ALDH1A2: variants seen among roughly 807,000 people sequenced by gnomAD.
ALDH1A2 encodes aldehyde dehydrogenase 1 family member A2, also known as retinal dehydrogenase 2.
A neutral mutation model predicts 60.3 loss-of-function variants in ALDH1A2; 27 were observed. The observed-to-expected ratio is 0.45, with a 90% CI of 0.33 to 0.62. The LOEUF (loss-of-function observed/expected upper bound fraction) is 0.62. ALDH1A2 is among the 20% of genes least tolerant of loss of function. The probability of loss-of-function intolerance (pLI) is 0.02; values close to 1 mark genes in which losing one functional copy is unlikely to be tolerated. For missense variants in ALDH1A2, 581 were observed against 643.8 expected, an observed-to-expected ratio of 0.90 and a Z score of 1.06; for synonymous variants, 289 against 232.4, an observed-to-expected ratio of 1.24 and a Z score of -2.21.
At chr15:57,996,079 G>A (rs757170427) in intron 4 of ALDH1A2, among the ~76,000 whole-genome samples, 2 of 151,980 alleles carry the variant, frequency 1.3e-5, no homozygotes, top group Non-Finnish European at 2.9e-5. Context: ...GTCCCCTAAG[G>A]CAAGTGAAAA....
intron 4 of ALDH1A2, among the ~76,000 whole-genome samples, chr15:57,996,083 G>A (rs184706432): frequency 2.2e-4 from 33 of 152,150 alleles, no homozygotes; most frequent in Admixed American, 7.2e-4. Context: ...CCTAAGGCAA[G>A]TGAAAACACT....
chr15:58,053,360 C>T (rs913583601), intron 1 of ALDH1A2, among the ~76,000 whole-genome samples: 7 of 151,812 alleles, frequency 4.6e-5, no homozygotes, highest in Non-Finnish European at 8.8e-5. Context: ...TAAAGTGTTC[C>T]AAAAAAGCAA....
intron 9 of ALDH1A2, 23 bp downstream of exon 9, chr15:57,963,862 G>C: frequency 6.2e-7 from 1 of 1,613,658 alleles, no homozygotes; most frequent in Non-Finnish European, 8.5e-7. Context: ...AGTAAACAAA[G>C]GGAATGGTTA....
intron 1 of ALDH1A2, among the ~76,000 whole-genome samples, chr15:58,060,463 CTTTTTTTTTTTTTT>C (rs35187901): frequency 2.3e-5 from 2 of 87,510 alleles, no homozygotes; most frequent in African/African-American, 4.3e-5. Flanking sequence ...CCACACATAT[CTTTTTTTTTTTTTT>C]TTTTTTTTTG....
intron 5 of ALDH1A2, among the ~76,000 whole-genome samples, chr15:57,994,506 C>T (rs1217169119): frequency 6.6e-6 from 1 of 152,126 alleles, no homozygotes; most frequent in Non-Finnish European, 1.5e-5. Context: ...GAGAGACAGA[C>T]AGGAACAAAG....
intron 1 of ALDH1A2, among the ~76,000 whole-genome samples, chr15:58,052,591 T>C (rs1350566896): frequency 6.6e-6 from 1 of 152,104 alleles, no homozygotes; most frequent in Non-Finnish European, 1.5e-5. Flanking sequence ...GTACCCAGTA[T>C]CACAAAGCAT....
At chr15:57,961,690 G>A (rs1448357409) in intron 10 of ALDH1A2, among the ~76,000 whole-genome samples, 5 of 152,120 alleles carry the variant, frequency 3.3e-5, no homozygotes, top group African/African-American at 1.2e-4. Context: ...CTCTCTCCTG[G>A]TTAACATCCC....
chr15:58,038,764 G>A (rs1028028392), intron 1 of ALDH1A2, among the ~76,000 whole-genome samples: 1 of 151,754 alleles, frequency 6.6e-6, no homozygotes, highest in Non-Finnish European at 1.5e-5. Flanking sequence ...TACTGGTAAT[G>A]GTTAATGTTC....
At chr15:58,003,840 A>T (rs1312082252) in intron 4 of ALDH1A2, among the ~76,000 whole-genome samples, 4 of 151,426 alleles carry the variant, frequency 2.6e-5, no homozygotes, top group African/African-American at 9.7e-5. Flanking sequence ...CATAGTAATG[A>T]TTATTATTTA....
chr15:57,960,260 G>A (rs1893677458), intron 12 of ALDH1A2, among the ~76,000 whole-genome samples: 1 of 152,148 alleles, frequency 6.6e-6, no homozygotes, highest in Admixed American at 6.5e-5. Flanking sequence ...CTCAATATTT[G>A]TTAGATTGTG....
At chr15:58,059,132 A>G (rs1896962890) in intron 1 of ALDH1A2, among the ~76,000 whole-genome samples, 1 of 152,262 alleles carries the variant, frequency 6.6e-6, no homozygotes, top group Non-Finnish European at 1.5e-5. Flanking sequence ...TACCAGTGAT[A>G]AGTAATTCCC....
intron 7 of ALDH1A2, among the ~76,000 whole-genome samples, chr15:57,978,214 A>G (rs1251559519): frequency 6.6e-6 from 1 of 152,208 alleles, no homozygotes; most frequent in Non-Finnish European, 1.5e-5. Flanking sequence ...CCCTGACCAG[A>G]ACTTCCAATA....
At chr15:57,994,364 T>G (rs374024235) in intron 5 of ALDH1A2, among the ~76,000 whole-genome samples, 16 of 152,302 alleles carry the variant, frequency 1.1e-4, no homozygotes, top group Admixed American at 6.5e-4. Flanking sequence ...CTACTGTACT[T>G]TGAAAAAAGA....
chr15:58,006,158 C>T (rs908489216), intron 4 of ALDH1A2, among the ~76,000 whole-genome samples: 3 of 151,662 alleles, frequency 2.0e-5, no homozygotes, highest in African/African-American at 4.8e-5. Flanking sequence ...AATATGTAGT[C>T]TTTTATCACT....
intron 4 of ALDH1A2, among the ~76,000 whole-genome samples, chr15:58,003,568 A>AT (rs1395586664): frequency 6.6e-6 from 1 of 151,840 alleles, no homozygotes; most frequent in Non-Finnish European, 1.5e-5. Context: ...AAACATGGAC[A>AT]TTTTTTTCTG....
intron 1 of ALDH1A2, among the ~76,000 whole-genome samples, chr15:58,054,824 T>C (rs1354810653): frequency 2.0e-5 from 3 of 152,168 alleles, no homozygotes; most frequent in African/African-American, 4.8e-5. Context: ...CCAATGAGGA[T>C]TGAAAAACAT....
chr15:58,019,035 T>A lies in ALDH1A2; in HGVS notation c.118-4754A>T, dbSNP rs577213431. Among the ~76,000 whole-genome samples, 26 of 152,188 alleles carry A rather than the reference T, an allele frequency of 1.7e-4. 1 individual carries two copies. Among genetic ancestry groups the A allele is most frequent in the Admixed American group, 1.5e-3 (23 of 15,278 alleles). ...ATTTTGTCAATGTTAATTTCCTGAT[T>A]TTTATAACTTTTATAATTGTAAGAT... On this transcript the variant is annotated intron_variant, in intron 1 of 12. Transcript: ENST00000249750.
chr15:57,957,534 C>T (rs548687079), intron 12 of ALDH1A2, among the ~76,000 whole-genome samples: 1 of 152,304 alleles, frequency 6.6e-6, no homozygotes, highest in East Asian at 1.9e-4. Flanking sequence ...GTGGCACATA[C>T]AGTTAACAGG....
intron 1 of ALDH1A2, among the ~76,000 whole-genome samples, chr15:58,058,293 G>T (rs1422827649): frequency 6.6e-6 from 1 of 151,836 alleles, no homozygotes; most frequent in Non-Finnish European, 1.5e-5. Flanking sequence ...GGGGAAGTAG[G>T]TTATTTTTGC....
Sources: allele counts gnomAD v4.1 joint callset (sites outside exome capture counted in the v4.1 genomes callset), GRCh38; gene constraint gnomAD v4.1.1; transcripts MANE v1.5; gene names NCBI Gene and HGNC (gene_info 2026-07-23, HGNC 2026-07-21).